The following UHRF1 variants were observed in gnomAD, a reference collection of about 807,000 sequenced individuals.
UHRF1 encodes the protein ubiquitin like with PHD and ring finger domains 1, also known as E3 ubiquitin-protein ligase UHRF1.
In UHRF1, 9 loss-of-function variants were observed where a neutral mutation model predicts 96.5. That is an observed-to-expected ratio of 0.09 (90% CI 0.06 to 0.16). UHRF1 has a LOEUF of 0.16. UHRF1 is among the 10% of genes least tolerant of loss of function. UHRF1 has a pLI of 1.00. For synonymous variants in UHRF1, 455 were observed against 469.9 expected (o/e 0.97, Z 0.41); for missense variants, 626 against 1,131.1 (o/e 0.55, Z 6.40).
At chr19:4,955,133 G>C (rs979621378) in intron 15 of UHRF1, among the ~76,000 whole-genome samples, 1 of 151,872 alleles carries the variant, frequency 6.6e-6, no homozygotes, top group Non-Finnish European at 1.5e-5. Context: ...CCTACCTTCT[G>C]TCTCTGTCTC....
upstream of UHRF1, chr19:4,909,167 C>A (rs2032144456): frequency 2.8e-6 from 1 of 360,356 alleles, no homozygotes; most frequent in Non-Finnish European, 5.1e-6. Flanking sequence ...TCAATGCGTG[C>A]GAGTGGGGGG....
At chr19:4,931,152 C>T (rs768486302) in intron 4 of UHRF1, among the ~76,000 whole-genome samples, 2 of 152,158 alleles carry the variant, frequency 1.3e-5, no homozygotes, top group Non-Finnish European at 2.9e-5. Flanking sequence ...TTCCATCTTC[C>T]GGGTTTGTCA....
At chr19:4,943,495 G>GCCCC (rs368362097) in intron 7 of UHRF1, among the ~76,000 whole-genome samples, 67 of 133,210 alleles carry the variant, frequency 5.0e-4, no homozygotes, top group South Asian at 7.3e-4. Flanking sequence ...TTGTTGCCCT[G>GCCCC]CCCCCCCTCC....
upstream of UHRF1, among the ~76,000 whole-genome samples, chr19:4,905,108 C>CTTTT (rs61443004): frequency 2.2e-4 from 21 of 95,186 alleles, 1 homozygote; most frequent in Non-Finnish European, 3.6e-4. Context: ...CGTAAACTTT[C>CTTTT]TTTTTTTTTT....
chr19:4,958,287 C>G (rs960457141), intron 16 of UHRF1, among the ~76,000 whole-genome samples: 1 of 152,230 alleles, frequency 6.6e-6, no homozygotes, highest in African/African-American at 2.4e-5. Context: ...CGTGCAGGCA[C>G]TAATCCCTCC....
intron 15 of UHRF1, among the ~76,000 whole-genome samples, chr19:4,955,200 C>T (rs1277028579): frequency 2.0e-5 from 3 of 152,186 alleles, no homozygotes; most frequent in African/African-American, 7.2e-5. Context: ...TCACATCTCA[C>T]AGCTCTGGGG....
chr19:4,929,116 C>A (rs1280038280), intron 2 of UHRF1, 106 bp from the exon 3 acceptor site: 4 of 1,451,122 alleles, frequency 2.8e-6, no homozygotes, highest in East Asian at 2.3e-5. Flanking sequence ...CAGATTGCCC[C>A]CCCCCCACAA....
chr19:4,947,176 A>G lies in UHRF1; in HGVS notation c.1482A>G (p.Glu494=), dbSNP rs2033590181. ...TTTCCGGCAACAAGAGGACCGCGGA[A>G]CAGTCTTGTGATCAGAAACTCACCA... is the stretch of plus-strand genomic sequence containing the variant. ...RDLSGNKRTA[E]QSCDQKLTNT... The change falls in exon 11 of 17, where the codon GAA becomes GAG. Residue 494 remains glutamate (E), a synonymous_variant. Transcript: ENST00000650932. 6.2e-7 allele frequency: 1 copy of G among 1,613,954 alleles called. No homozygotes were observed. The highest frequency in any genetic ancestry group is 8.5e-7 in the Non-Finnish European group (1 of 1,179,874).
At chr19:4,944,863 T>C (rs893832063) in intron 9 of UHRF1, among the ~76,000 whole-genome samples, 1 of 152,162 alleles carries the variant, frequency 6.6e-6, no homozygotes, top group African/African-American at 2.4e-5. Context: ...ACTAGTGACA[T>C]TGGAGCCAGA....
chr19:4,941,609 G>T lies in UHRF1; in HGVS notation c.867G>T (p.Met289Ile). Residue 289 changes from methionine (M) to isoleucine (I), a missense_variant, in exon 6 of 17, where the codon ATG (methionine) becomes ATT (isoleucine). Met to Ile is a conservative substitution (Grantham distance 10, BLOSUM62 1). Coordinates refer to ENST00000650932, the MANE Select transcript of UHRF1 (RefSeq NM_001048201.3). ...AGCGGCCGGGTGAAGGGAGCCCCAT[G>T]GTTGACAACCCCATGAGACGTGAGT... Reference protein sequence around the residue: ...KIERPGEGSPMVDNPMRRKSG... With the variant: ...KIERPGEGSPIVDNPMRRKSG... 6.2e-7 allele frequency: 1 copy of T among 1,613,678 alleles called. No homozygotes were observed. The highest frequency in any genetic ancestry group is 2.2e-5 in the East Asian group (1 of 44,856).
Position 4,950,719 on chromosome 19 carries a change from C to T in UHRF1, c.1626C>T (p.Gly542=). The T allele has an allele frequency of 6.2e-7, 1 of 1,605,664 alleles. No homozygotes were observed. The highest frequency in any genetic ancestry group is 8.5e-7 in the Non-Finnish European group (1 of 1,175,858). Residue 542 remains glycine, a synonymous_variant, in exon 12 of 17, where the codon GGC becomes GGT. Transcript: ENST00000650932. ...GGGTGGTGCGCAATGTCAAGGGTGG[C>T]AAGAATAGCAAGTACGCCCCCGCTG... ...PVRVVRNVKG[G]KNSKYAPAEG...
chr19:4,910,978 G>A lies in UHRF1; in HGVS notation c.93G>A (p.Lys31=). The A allele has an allele frequency of 6.2e-7, 1 of 1,613,094 alleles. No homozygotes were observed. Among genetic ancestry groups the A allele is most frequent in the Non-Finnish European group, 8.5e-7 (1 of 1,179,334 alleles). The change falls in exon 2 of 17, where the codon AAG becomes AAA. Residue 31 remains lysine (K), a synonymous_variant. Coordinates refer to ENST00000650932, the MANE Select transcript of UHRF1 (RefSeq NM_001048201.3). ...RLTKVEELRR[K]IQELFHVEPG... Reference sequence around the variant, plus strand: ...CCAAGGTGGAGGAGCTGAGGCGGAAGATCCAGGAGCTGTTCCACGTGGAGC... The same window carrying A: ...CCAAGGTGGAGGAGCTGAGGCGGAAAATCCAGGAGCTGTTCCACGTGGAGC...
intron 2 of UHRF1, among the ~76,000 whole-genome samples, chr19:4,921,707 T>C (rs1415094329): frequency 6.7e-6 from 1 of 149,546 alleles, no homozygotes; most frequent in African/African-American, 2.5e-5. Flanking sequence ...CAGTGAGCCA[T>C]GGTCGTGCCA....
intron 4 of UHRF1, among the ~76,000 whole-genome samples, chr19:4,931,710 G>A (rs1411738309): frequency 1.3e-5 from 2 of 151,450 alleles, no homozygotes; most frequent in Non-Finnish European, 2.9e-5. Flanking sequence ...CTCGTGTTCC[G>A]CCCGCCTCAG....
At position 4,930,893 on chromosome 19, in the gene UHRF1, G is replaced by T; in HGVS notation, c.569+17G>T. ...ATACGACGAGTGAGTCATGGCAGGT[G>T]GGCGGGCCTGGGTATTCAGGCTCTG... On this transcript the variant is annotated intron_variant, in intron 4 of 16. Coordinates refer to ENST00000650932, the MANE Select transcript of UHRF1 (RefSeq NM_001048201.3). This position sits in a 1 kb window ranked among gnomAD's most constrained non-coding sequence, Gnocchi z 4.4. 1 of 1,613,274 alleles carries T rather than the reference G, an allele frequency of 6.2e-7. No individual in the cohort carries two copies. The highest frequency in any genetic ancestry group is 8.5e-7 in the Non-Finnish European group (1 of 1,179,514).
At chr19:4,912,610 G>A (rs542172354) in intron 2 of UHRF1, among the ~76,000 whole-genome samples, 2 of 152,194 alleles carry the variant, frequency 1.3e-5, no homozygotes, top group Admixed American at 6.6e-5. Context: ...ATCTTGAAGC[G>A]CTCTGTCTTT....
intron 2 of UHRF1, among the ~76,000 whole-genome samples, chr19:4,922,065 G>A (rs1346264933): frequency 2.6e-5 from 4 of 152,030 alleles, no homozygotes; most frequent in Admixed American, 2.0e-4. Context: ...TCCTGCCTTA[G>A]CCTCCTGAGT....
chr19:4,940,298 T>A (rs2033351487), intron 5 of UHRF1, among the ~76,000 whole-genome samples: 1 of 151,600 alleles, frequency 6.6e-6, no homozygotes, highest in African/African-American at 2.4e-5. Context: ...GGGGGATCAG[T>A]TTCACTCACA....
chr19:4,915,170 C>T (rs2032443883), intron 2 of UHRF1, among the ~76,000 whole-genome samples: 1 of 152,228 alleles, frequency 6.6e-6, no homozygotes, highest in African/African-American at 2.4e-5. Flanking sequence ...GCAAGAGTCA[C>T]TTGTCACAGT....
Sources: gnomAD v4.1 joint callset for allele counts (sites outside exome capture counted in the v4.1 genomes callset) on GRCh38, gnomAD v4.1.1 for gene constraint, Gnocchi (gnomAD v3.1) non-coding constraint, MANE v1.5 for transcripts, NCBI Gene and HGNC (gene_info 2026-07-23, HGNC 2026-07-21) for gene names.